The following FNIP1 variants were observed in gnomAD, a reference collection of about 807,000 sequenced individuals.
FNIP1 encodes the protein folliculin interacting protein 1.
A neutral mutation model predicts 124.5 loss-of-function variants in FNIP1; 40 were observed. The ratio of observed to expected loss-of-function variants is 0.32; its 90% CI spans 0.25 to 0.42. The LOEUF (loss-of-function observed/expected upper bound fraction) is 0.42, where lower values mean the gene tolerates loss of function less well. Ranked by LOEUF, FNIP1 falls within the 10% of genes least tolerant of loss-of-function variation. FNIP1 has a pLI of 1.00. For missense variants in FNIP1, 1,176 were observed against 1,403.7 expected (o/e 0.84, Z 2.59); for synonymous variants, 472 against 470.6 (o/e 1.00, Z -0.04).
chr5:131,651,662 C>T, intron 16 of FNIP1, 140 bp downstream of exon 16: 2 of 742,940 alleles, frequency 2.7e-6, no homozygotes, highest in South Asian at 3.8e-5. Flanking sequence ...AATACTGTCA[C>T]ACTGGGAATT....
chr5:131,749,690 C>A (rs1254075986), intron 1 of FNIP1, among the ~76,000 whole-genome samples: 1 of 152,164 alleles, frequency 6.6e-6, no homozygotes, highest in Non-Finnish European at 1.5e-5. Flanking sequence ...CTGTGCCCGG[C>A]CTACTTTTTA....
chr5:131,775,106 T>G (rs1014640791), intron 1 of FNIP1, among the ~76,000 whole-genome samples: 4 of 152,214 alleles, frequency 2.6e-5, no homozygotes, highest in Non-Finnish European at 5.9e-5. Flanking sequence ...CAAAAATACT[T>G]ATGATCAAAG....
intron 11 of FNIP1, among the ~76,000 whole-genome samples, chr5:131,694,404 G>A (rs1376006913): frequency 6.6e-6 from 1 of 152,126 alleles, no homozygotes; most frequent in Non-Finnish European, 1.5e-5. Context: ...AAAGAAATGA[G>A]CTATTAGGTA....
Position 131,693,349 on chromosome 5 carries a change from T to C in FNIP1, c.1202+5568A>G, listed in dbSNP as rs1473029205. Reference sequence around the variant, plus strand: ...ATATATATACATATATATATATATATATATATATATATAGTTACAGAGATC... The same window carrying C: ...ATATATATACATATATATATATATACATATATATATATAGTTACAGAGATC... On this transcript the variant is annotated intron_variant, in intron 11 of 17. Coordinates refer to ENST00000510461, the MANE Select transcript of FNIP1 (RefSeq NM_133372.3). Among the ~76,000 whole-genome samples, 774 of 125,994 alleles carry C rather than the reference T, an allele frequency of 6.1e-3. 12 individuals carry two copies. The highest frequency in any genetic ancestry group is 0.023 in the African/African-American group (706 of 31,132). 82.7% of individuals were successfully genotyped at this position (125,994 alleles called of 152,430 possible).
Position 131,797,002 on chromosome 5 carries a change from G to A in FNIP1, c.-81C>T, listed in dbSNP as rs946555197. 3.1e-5 allele frequency: 40 copies of A among 1,299,162 alleles called. No homozygotes were observed. Among genetic ancestry groups the A allele is most frequent in the Non-Finnish European group, 4.0e-5 (37 of 935,680 alleles). 80.5% of individuals were successfully genotyped at this position (1,299,162 alleles called of 1,614,324 possible). The stretch of plus-strand genomic sequence containing the variant: ...CTACAGCCGCCCCGCCACCCCCATG[G>A]GCGCCTCAGTCATATGACAGAAATT... On this transcript the variant is annotated 5_prime_UTR_variant, in exon 1 of 18. Transcript: ENST00000510461.
Position 131,670,635 on chromosome 5 carries a change from G to C in FNIP1, c.2940-4C>G. On this transcript the variant is annotated splice_region_variant and splice_polypyrimidine_tract_variant and intron_variant, in intron 14 of 17. Transcript: ENST00000510461. ...ACTCACTTCGATTAACTTTGACCTG[G>C]AAGAAAAATGCCCCCAAAAGACATT... 1 of 1,566,670 alleles carries C rather than the reference G, an allele frequency of 6.4e-7. No homozygotes were observed. Among genetic ancestry groups the C allele is most frequent in the Non-Finnish European group, 8.6e-7 (1 of 1,163,124 alleles).
At chr5:131,758,666 C>A (rs938204641) in intron 1 of FNIP1, among the ~76,000 whole-genome samples, 3 of 152,174 alleles carry the variant, frequency 2.0e-5, no homozygotes, top group Non-Finnish European at 2.9e-5. Flanking sequence ...GTCAGCTTAT[C>A]TGCTCTGCAT....
chr5:131,741,230 T>C (rs1770502506), intron 2 of FNIP1, among the ~76,000 whole-genome samples: 1 of 152,164 alleles, frequency 6.6e-6, no homozygotes, highest in Non-Finnish European at 1.5e-5. Flanking sequence ...TTCTTTAAGA[T>C]CACTACACAT....
chr5:131,778,179 C>T (rs1242935386), intron 1 of FNIP1, among the ~76,000 whole-genome samples: 2 of 152,012 alleles, frequency 1.3e-5, no homozygotes, highest in Non-Finnish European at 2.9e-5. Context: ...GGCAACAAAG[C>T]AAGACCCCCC....
chr5:131,745,511 C>G (rs981970032), intron 1 of FNIP1, among the ~76,000 whole-genome samples: 1 of 151,900 alleles, frequency 6.6e-6, no homozygotes, highest in African/African-American at 2.4e-5. Flanking sequence ...CAGAATGAGA[C>G]CCTGTCTCAA....
chr5:131,690,120 G>T (rs1768425902), intron 11 of FNIP1, among the ~76,000 whole-genome samples: 1 of 152,136 alleles, frequency 6.6e-6, no homozygotes, highest in South Asian at 2.1e-4. Flanking sequence ...CTACTCAGGA[G>T]GCTGAGGCAG....
rs151314390 is a variant in FNIP1 at position 131,696,140 on chromosome 5, A to G, written c.1202+2777T>C. On this transcript the variant is annotated intron_variant, in intron 11 of 17. Coordinates refer to ENST00000510461, the MANE Select transcript of FNIP1 (RefSeq NM_133372.3). The stretch of plus-strand genomic sequence containing the variant: ...CCATCTTACATTCATAAAATCATCA[A>G]ATTTTGTGTTTTCACAGAACTTCTA... Among the ~76,000 whole-genome samples the G allele has an allele frequency of 9.5e-3, 1,451 of 152,284 alleles. 24 individuals are homozygous for G. Among genetic ancestry groups the G allele is most frequent in the African/African-American group, 0.032 (1,347 of 41,568 alleles).
intron 15 of FNIP1, among the ~76,000 whole-genome samples, chr5:131,664,987 G>A (rs1019543739): frequency 1.3e-5 from 2 of 151,010 alleles, no homozygotes; most frequent in East Asian, 3.9e-4. Flanking sequence ...TGTAAATATT[G>A]TGTATTTACA....
At chr5:131,696,121 T>C (rs1768682653) in intron 11 of FNIP1, among the ~76,000 whole-genome samples, 1 of 152,216 alleles carries the variant, frequency 6.6e-6, no homozygotes, top group Admixed American at 6.5e-5. Context: ...ATTTCCATCT[T>C]ACATTCATAA....
chr5:131,680,980 A>C (rs1467973901), intron 11 of FNIP1, among the ~76,000 whole-genome samples: 2 of 152,162 alleles, frequency 1.3e-5, no homozygotes, highest in Non-Finnish European at 2.9e-5. Flanking sequence ...AAGACTCACA[A>C]ATTTTTGGGA....
At chr5:131,681,636 A>G (rs534397697) in intron 11 of FNIP1, among the ~76,000 whole-genome samples, 3 of 146,446 alleles carry the variant, frequency 2.0e-5, no homozygotes, top group East Asian at 3.9e-4. Context: ...ATCCAAAAAT[A>G]AGAAAGCATC....
At chr5:131,732,046 T>C (rs961211966) in intron 2 of FNIP1, among the ~76,000 whole-genome samples, 1 of 152,194 alleles carries the variant, frequency 6.6e-6, no homozygotes, top group Non-Finnish European at 1.5e-5. Context: ...AATGTATTTC[T>C]TTTTAATTCC....
At chr5:131,682,432 G>A (rs1341441725) in intron 11 of FNIP1, among the ~76,000 whole-genome samples, 3 of 151,986 alleles carry the variant, frequency 2.0e-5, no homozygotes, top group African/African-American at 7.2e-5. Context: ...CAATCTAGAA[G>A]TAATGGCCAG....
chr5:131,674,389 T>A (rs538249863), intron 13 of FNIP1, among the ~76,000 whole-genome samples: 51 of 152,308 alleles, frequency 3.3e-4, no homozygotes, highest in South Asian at 1.2e-3. Context: ...ATGCTATACT[T>A]CAAATTAAAC....
Sources: allele counts gnomAD v4.1 joint callset (sites outside exome capture counted in the v4.1 genomes callset), GRCh38; gene constraint gnomAD v4.1.1; transcripts MANE v1.5; gene names NCBI Gene and HGNC (gene_info 2026-07-23, HGNC 2026-07-21).